The following RNF145 variants were observed in gnomAD, a reference collection of about 807,000 sequenced individuals.
The protein encoded by RNF145 is ring finger protein 145.
A neutral mutation model predicts 57.3 loss-of-function variants in RNF145; 12 were observed. That is an observed-to-expected ratio of 0.21 (90% CI 0.13 to 0.34). RNF145 has a LOEUF of 0.34. Ranked by LOEUF, RNF145 falls within the 10% of genes least tolerant of loss-of-function variation. RNF145 has a pLI of 1.00. For synonymous variants in RNF145, 262 were observed against 288.3 expected (o/e 0.91, Z 0.92); for missense variants, 429 against 799.0 (o/e 0.54, Z 5.58).
chr5:159,179,728 A>G (rs1784825983), intron 4 of RNF145, among the ~76,000 whole-genome samples: 1 of 152,080 alleles, frequency 6.6e-6, no homozygotes, highest in South Asian at 2.1e-4. Context: ...AAATATGCCA[A>G]CTCATAACGA....
At chr5:159,194,676 A>C in intron 3 of RNF145, 40 bp downstream of exon 3, 1 of 1,254,298 alleles carries the variant, frequency 8.0e-7, no homozygotes. Context: ...GAAAACTTTA[A>C]ATTCAATCAT....
chr5:159,208,976 G>T (rs1786005535), intron 1 of RNF145, among the ~76,000 whole-genome samples: 1 of 151,928 alleles, frequency 6.6e-6, no homozygotes, highest in Non-Finnish European at 1.5e-5. Context: ...GGGCCCAGGA[G>T]GGGAGAGCAG....
rs372362287 is a variant in RNF145, at chr5:159,158,638, A to C, written c.*32T>G. 10 of 1,592,614 alleles carry C rather than the reference A, an allele frequency of 6.3e-6. 1 individual carries two copies. The highest frequency in any genetic ancestry group is 8.6e-6 in the Non-Finnish European group (10 of 1,167,160). On this transcript the variant is annotated 3_prime_UTR_variant, in exon 11 of 11. Coordinates refer to ENST00000424310, the MANE Select transcript of RNF145 (RefSeq NM_001199383.2). Reference sequence around the variant, plus strand: ...CATCTTGAGTTAACTTCTCCTCCAGAGTATCAAAGCATCATTCCTGCTGCT... The same window carrying C: ...CATCTTGAGTTAACTTCTCCTCCAGCGTATCAAAGCATCATTCCTGCTGCT...
chr5:159,209,664 T>C, upstream of RNF145: 1 of 953,318 alleles, frequency 1.0e-6, no homozygotes, highest in African/African-American at 1.7e-5. Flanking sequence ...GCGGAGTGCT[T>C]TCCGCACCGC....
intron 1 of RNF145, among the ~76,000 whole-genome samples, chr5:159,207,011 T>C (rs1785912164): frequency 6.7e-6 from 1 of 148,580 alleles, no homozygotes; most frequent in Admixed American, 6.7e-5. Flanking sequence ...GTGCAACAAA[T>C]GCTAACCAAA....
At chr5:159,192,501 A>C (rs1252301816) in intron 3 of RNF145, among the ~76,000 whole-genome samples, 1 of 149,154 alleles carries the variant, frequency 6.7e-6, no homozygotes, top group Admixed American at 6.6e-5. Flanking sequence ...AAATCCTATC[A>C]ATTCTAAAAA....
intron 3 of RNF145, among the ~76,000 whole-genome samples, chr5:159,190,028 A>G (rs1785233883): frequency 6.6e-6 from 1 of 152,168 alleles, no homozygotes; most frequent in Non-Finnish European, 1.5e-5. Context: ...ACTACAAACC[A>G]CTGAGCTGTA....
At chr5:159,183,590 T>G (rs1167630507) in intron 3 of RNF145, among the ~76,000 whole-genome samples, 1 of 152,124 alleles carries the variant, frequency 6.6e-6, no homozygotes, top group Non-Finnish European at 1.5e-5. Flanking sequence ...AATTATGAAA[T>G]TAGAACAAAA....
chr5:159,175,722 C>T (rs1784701063), intron 5 of RNF145, among the ~76,000 whole-genome samples: 2 of 152,112 alleles, frequency 1.3e-5, no homozygotes, highest in Admixed American at 1.3e-4. Context: ...TAGAATCAGG[C>T]TAAGGCCAAA....
At position 159,165,035 on chromosome 5, in the gene RNF145, C is replaced by G. The variant is rs372818549; in HGVS notation, c.1122-1956G>C. On this transcript the variant is annotated intron_variant, in intron 8 of 10. Coordinates refer to ENST00000424310, the MANE Select transcript of RNF145 (RefSeq NM_001199383.2). ...CGCTTTTCCTTTCCTTTTTTAATTCCCAGTACACTGAATTGAATTCATCAC... is the reference window on the plus strand; with the variant it reads ...CGCTTTTCCTTTCCTTTTTTAATTCGCAGTACACTGAATTGAATTCATCAC... 5.3e-5 allele frequency among the ~76,000 whole-genome samples: 8 copies of G among 152,164 alleles called. No individual in the cohort carries two copies. In the East Asian group the frequency reaches 1.5e-3, roughly 29 times the overall value.
intron 1 of RNF145, among the ~76,000 whole-genome samples, chr5:159,206,176 C>G (rs1785873535): frequency 6.6e-6 from 1 of 152,152 alleles, no homozygotes; most frequent in South Asian, 2.1e-4. Flanking sequence ...CAAGATCCCC[C>G]TCTACTACAT....
rs1199776230 is a variant in RNF145, at chr5:159,169,057, T to TA, written c.939-3dup. On this transcript the variant is annotated splice_polypyrimidine_tract_variant and splice_region_variant and intron_variant, in intron 7 of 10. Coordinates refer to ENST00000424310, the MANE Select transcript of RNF145 (RefSeq NM_001199383.2). Reference sequence around the variant, plus strand: ...AGCGTTACTCCTTCTGTCATGCCCCTAAAAAAAGCATACATTTTCAGAAAA... The same window carrying TA: ...AGCGTTACTCCTTCTGTCATGCCCCTAAAAAAAAGCATACATTTTCAGAAAA... 6 of 1,537,128 alleles carry TA rather than the reference T, an allele frequency of 3.9e-6. No homozygotes were observed. The highest frequency in any genetic ancestry group is 2.4e-5 in the Admixed American group (1 of 42,248).
At chr5:159,191,954 C>A (rs1484539599) in intron 3 of RNF145, among the ~76,000 whole-genome samples, 1 of 151,546 alleles carries the variant, frequency 6.6e-6, no homozygotes, top group Non-Finnish European at 1.5e-5. Context: ...GAATCCTGAC[C>A]TCTCTAGAAA....
At chr5:159,209,182 G>A (rs1786016403) in intron 1 of RNF145, 49 bp downstream of exon 1, 1 of 872,186 alleles carries the variant, frequency 1.1e-6, no homozygotes, top group Admixed American at 6.2e-5. Context: ...CGTGGGAAGC[G>A]GCCGGGGGGC....
chr5:159,169,093 T>C, intron 7 of RNF145, 38 bp from the exon 8 acceptor site: 1 of 1,422,182 alleles, frequency 7.0e-7, no homozygotes, highest in South Asian at 1.5e-5. Flanking sequence ...CATAAAATAA[T>C]CTGAATCTCA....
chr5:159,194,970 C>A (rs1272647235), intron 2 of RNF145, 146 bp from the exon 3 acceptor site: 11 of 561,454 alleles, frequency 2.0e-5, no homozygotes, highest in Non-Finnish European at 3.5e-5. Context: ...GTAAGTTTAG[C>A]ATAGTGACAC....
chr5:159,207,577 G>A (rs1785938228), intron 1 of RNF145: 3 of 1,596,218 alleles, frequency 1.9e-6, no homozygotes, highest in Non-Finnish European at 2.6e-6. Context: ...CATCGGTTAG[G>A]ATGGTAGGCC....
At position 159,209,225 on chromosome 5, in the gene RNF145, G is replaced by A; in HGVS notation, c.-40+6C>T. On this transcript the variant is annotated splice_donor_region_variant and intron_variant, in intron 1 of 10. Coordinates refer to ENST00000424310, the MANE Select transcript of RNF145 (RefSeq NM_001199383.2). ...TGGGAAGGGGCCGGGCGGGCGGCGTGGTCACCTCAGGCTGCGGACTCCCTC... is the reference window on the plus strand; with the variant it reads ...TGGGAAGGGGCCGGGCGGGCGGCGTAGTCACCTCAGGCTGCGGACTCCCTC... 2 of 983,382 alleles carry A rather than the reference G, an allele frequency of 2.0e-6. No individual in the cohort carries two copies. The highest frequency in any genetic ancestry group is 2.4e-6 in the Non-Finnish European group (2 of 828,116). 60.9% of individuals were successfully genotyped at this position (983,382 alleles called of 1,614,324 possible).
intron 2 of RNF145, among the ~76,000 whole-genome samples, chr5:159,203,145 A>G (rs1465839684): frequency 2.6e-5 from 4 of 152,216 alleles, no homozygotes; most frequent in African/African-American, 9.6e-5. Flanking sequence ...AAATGTCTCT[A>G]AAAGTATTTC....
Sources: gnomAD v4.1 joint callset for allele counts (sites outside exome capture counted in the v4.1 genomes callset) on GRCh38, gnomAD v4.1.1 for gene constraint, MANE v1.5 for transcripts, NCBI Gene and HGNC (gene_info 2026-07-23, HGNC 2026-07-21) for gene names.